Variants in XRN1 observed in about 807,000 individuals in gnomAD.
XRN1 encodes the protein strand-exchange protein 1 homolog.
Under a neutral mutation model 222.3 loss-of-function variants are expected in XRN1, and 67 were observed. That is an observed-to-expected ratio of 0.30 (90% CI 0.25 to 0.37). XRN1 has a LOEUF of 0.37. Ranked by LOEUF, XRN1 falls within the 10% of genes least tolerant of loss-of-function variation. The pLI is 1.00. For missense variants in XRN1, 1,707 were observed against 2,000.2 expected, an observed-to-expected ratio of 0.85 and a Z score of 2.80; for synonymous variants, 643 against 652.4, an observed-to-expected ratio of 0.99 and a Z score of 0.22.
chr3:142,359,365 C>T (rs2066555602), intron 30 of XRN1, among the ~76,000 whole-genome samples: 1 of 152,154 alleles, frequency 6.6e-6, no homozygotes, highest in African/African-American at 2.4e-5. Flanking sequence ...TACAACTCCA[C>T]TAAAATTGGT....
chr3:142,447,593 C>G lies in XRN1; in HGVS notation c.75+277G>C, dbSNP rs567989525. 1.3e-5 allele frequency among the ~76,000 whole-genome samples: 2 copies of G among 152,294 alleles called. No homozygotes were observed. The highest frequency in any genetic ancestry group is 3.9e-4 in the East Asian group (2 of 5,176). ...GGAGAACAGTAAAAGCGTTCTTTCC[C>G]AGGACTTCATTTCGGAGTCGCGGAA... is the stretch of plus-strand genomic sequence containing the variant. On this transcript the variant is annotated intron_variant, in intron 1 of 40. Coordinates refer to ENST00000392981, the MANE Select transcript of XRN1 (RefSeq NM_001282857.2). The surrounding 1 kb of genome is among the most constrained non-coding windows in gnomAD (Gnocchi z 4.2).
chr3:142,354,981 C>A (rs1462066097), intron 32 of XRN1, among the ~76,000 whole-genome samples: 1 of 151,618 alleles, frequency 6.6e-6, no homozygotes. Flanking sequence ...GAACAGAAAA[C>A]CAAATACTAT....
chr3:142,376,640 A>C, intron 23 of XRN1, 46 bp from the exon 24 acceptor site: 1 of 1,322,190 alleles, frequency 7.6e-7, no homozygotes, highest in Non-Finnish European at 1.1e-6. Flanking sequence ...ACACAAGTTT[A>C]CATTAAATGT....
chr3:142,368,993 CAG>C (rs1199716005), intron 27 of XRN1, among the ~76,000 whole-genome samples: 1 of 152,000 alleles, frequency 6.6e-6, no homozygotes, highest in East Asian at 1.9e-4. Context: ...AATGAGGAAA[CAG>C]AGGTATGGAA....
intron 1 of XRN1, among the ~76,000 whole-genome samples, chr3:142,438,382 A>G (rs779199363): frequency 1.3e-5 from 2 of 152,136 alleles, no homozygotes; most frequent in African/African-American, 4.8e-5. Flanking sequence ...TTTGTGGTCA[A>G]GAGAGGCGGG....
intron 32 of XRN1, among the ~76,000 whole-genome samples, chr3:142,348,972 G>C (rs996123635): frequency 3.3e-5 from 5 of 151,750 alleles, no homozygotes; most frequent in African/African-American, 1.2e-4. Context: ...TTGTTTTTGA[G>C]ACAGGGTGTT....
intron 3 of XRN1, 102 bp from the exon 4 acceptor site, chr3:142,425,640 G>C: frequency 1.1e-6 from 1 of 896,244 alleles, no homozygotes; most frequent in South Asian, 1.7e-5. Context: ...GGAATAGCTA[G>C]GTAGGTATAG....
chr3:142,415,123 T>A (rs1426389309), intron 13 of XRN1, among the ~76,000 whole-genome samples: 1 of 152,250 alleles, frequency 6.6e-6, no homozygotes, highest in Non-Finnish European at 1.5e-5. Flanking sequence ...TGCTTATTAT[T>A]GTATTTGTGA....
At chr3:142,376,978 C>T (rs1022969214) in intron 23 of XRN1, among the ~76,000 whole-genome samples, 1 of 152,152 alleles carries the variant, frequency 6.6e-6, no homozygotes, top group Non-Finnish European at 1.5e-5. Flanking sequence ...TAGCAAAGTA[C>T]TTGGGACAAA....
At chr3:142,442,679 G>A (rs560999570) in intron 1 of XRN1, among the ~76,000 whole-genome samples, 5 of 152,308 alleles carry the variant, frequency 3.3e-5, no homozygotes, top group Admixed American at 6.5e-5. Flanking sequence ...CCTGTAAAGT[G>A]TGCCAAAGAA....
chr3:142,372,342 C>G (rs1390109844), intron 25 of XRN1, among the ~76,000 whole-genome samples: 3 of 152,120 alleles, frequency 2.0e-5, no homozygotes, highest in African/African-American at 4.8e-5. Context: ...GAAATGGACT[C>G]TGGGATGGAG....
chr3:142,340,145 C>T (rs909949037), intron 33 of XRN1, among the ~76,000 whole-genome samples: 4 of 152,166 alleles, frequency 2.6e-5, no homozygotes, highest in Non-Finnish European at 4.4e-5. Context: ...CACCTGAGGT[C>T]GGGAGTTCGA....
intron 33 of XRN1, among the ~76,000 whole-genome samples, chr3:142,339,597 A>G (rs1436309479): frequency 6.6e-6 from 1 of 152,238 alleles, no homozygotes; most frequent in African/African-American, 2.4e-5. Flanking sequence ...ACCAGGGACC[A>G]ATCCTGGAGA....
chr3:142,379,275 A>T (rs1024476271), intron 23 of XRN1, among the ~76,000 whole-genome samples: 5 of 152,160 alleles, frequency 3.3e-5, no homozygotes, highest in East Asian at 1.9e-4. Flanking sequence ...TGTCTCACAA[A>T]AAGAAAAAAC....
rs1333926329 is a variant in XRN1, at chr3:142,309,766, G to A, written c.*1745C>T. 2 of 152,174 alleles carry A rather than the reference G, an allele frequency of 1.3e-5. No individual in the cohort carries two copies. Among genetic ancestry groups the A allele is most frequent in the Non-Finnish European group, 2.9e-5 (2 of 68,032 alleles). The allele number at this position is 152,174 out of a possible 1,614,324, so 9.4% of individuals were successfully genotyped here. The stretch of plus-strand genomic sequence containing the variant: ...CAATGCTGGAGTTTGTACAGCTGAG[G>A]TGAAACATTTCACACTTTAAAGTAG... On this transcript the variant is annotated 3_prime_UTR_variant, in exon 41 of 41. Coordinates refer to ENST00000392981, the MANE Select transcript of XRN1 (RefSeq NM_001282857.2).
chr3:142,418,741 G>C, intron 11 of XRN1, 74 bp downstream of exon 11: 1 of 1,534,206 alleles, frequency 6.5e-7, no homozygotes, highest in Non-Finnish European at 8.9e-7. Flanking sequence ...CCCAAAATTA[G>C]TAATAATAAA....
At chr3:142,374,934 G>C (rs796160224) in intron 25 of XRN1, among the ~76,000 whole-genome samples, 17 of 152,322 alleles carry the variant, frequency 1.1e-4, no homozygotes, top group African/African-American at 3.6e-4. Flanking sequence ...TTAGGACACA[G>C]AGACAGACAT....
intron 37 of XRN1, among the ~76,000 whole-genome samples, chr3:142,325,050 A>T (rs2065478993): frequency 6.6e-6 from 1 of 152,130 alleles, no homozygotes; most frequent in Non-Finnish European, 1.5e-5. Flanking sequence ...TCTTACATAT[A>T]CTGATATTTT....
chr3:142,350,699 A>C (rs1428275556), intron 32 of XRN1, among the ~76,000 whole-genome samples: 1 of 152,158 alleles, frequency 6.6e-6, no homozygotes, highest in Non-Finnish European at 1.5e-5. Flanking sequence ...AAATGGTCCA[A>C]TTCTAGACAT....
Sources: gnomAD v4.1 joint callset for allele counts (sites outside exome capture counted in the v4.1 genomes callset) on GRCh38, gnomAD v4.1.1 for gene constraint, Gnocchi (gnomAD v3.1) non-coding constraint, MANE v1.5 for transcripts, NCBI Gene and HGNC (gene_info 2026-07-23, HGNC 2026-07-21) for gene names.